The following TEAD4 variants were observed in gnomAD, a reference collection of about 807,000 sequenced individuals.
TEAD4 encodes the protein TEA domain transcription factor 4, also known as transcriptional enhancer factor TEF-3.
A neutral mutation model predicts 52.4 loss-of-function variants in TEAD4; 36 were observed. That is an observed-to-expected ratio of 0.69 (90% confidence interval 0.53 to 0.91). The LOEUF is 0.91. Among genes scored for constraint, TEAD4 ranks in the 40% least tolerant of loss-of-function variants. The pLI, the probability that TEAD4 is intolerant of heterozygous loss-of-function variation, is 0.00. For missense variants in TEAD4, 508 were observed against 583.9 expected, an observed-to-expected ratio of 0.87 and a Z score of 1.34; for synonymous variants, 220 against 231.0, an observed-to-expected ratio of 0.95 and a Z score of 0.43.
chr12:3,040,002 C>T, intron 11 of TEAD4, 105 bp from the exon 12 acceptor site: 1 of 1,497,650 alleles, frequency 6.7e-7, no homozygotes, highest in South Asian at 1.3e-5. Context: ...TGACTCTTTT[C>T]TTAAGGGCCC....
intron 10 of TEAD4, among the ~76,000 whole-genome samples, chr12:3,022,316 GAC>G (rs150680674): frequency 0.028 from 4,206 of 152,320 alleles, 85 homozygotes; most frequent in Middle Eastern, 0.044. Flanking sequence ...TCCAGAAAAA[GAC>G]AAACGGGACC....
intron 2 of TEAD4, among the ~76,000 whole-genome samples, chr12:2,962,133 A>T (rs2153951879): frequency 6.7e-6 from 1 of 149,626 alleles, no homozygotes; most frequent in Middle Eastern, 3.4e-3. Flanking sequence ...ATTTTATTTT[A>T]TTTATTTTTG....
intron 2 of TEAD4, among the ~76,000 whole-genome samples, chr12:2,987,420 GT>G (rs1565530553): frequency 0.01 from 25 of 2,460 alleles, no homozygotes; most frequent in Non-Finnish European, 0.038. Flanking sequence ...TTTTTTGTTT[GT>G]TTTGTTTTGT....
chr12:3,035,169 T>A (rs573847575), intron 10 of TEAD4, among the ~76,000 whole-genome samples: 2 of 152,218 alleles, frequency 1.3e-5, no homozygotes, highest in South Asian at 2.1e-4. Context: ...GAATCCTTGA[T>A]TTCATGGATT....
chr12:3,032,813 G>A (rs1227133682), intron 10 of TEAD4, among the ~76,000 whole-genome samples: 1 of 152,220 alleles, frequency 6.6e-6, no homozygotes, highest in Non-Finnish European at 1.5e-5. Flanking sequence ...TGTGGGGCGG[G>A]CAGAGGCACC....
intron 2 of TEAD4, among the ~76,000 whole-genome samples, chr12:2,965,001 G>A (rs2098219101): frequency 6.6e-6 from 1 of 152,104 alleles, no homozygotes; most frequent in Non-Finnish European, 1.5e-5. Context: ...AGGTGTAGGA[G>A]TGACCCCAGA....
In TEAD4 at chr12:3,021,872, G is replaced by A; in HGVS notation, c.752G>A (p.Gly251Asp). 6.2e-7 allele frequency: 1 copy of A among 1,614,196 alleles called. No homozygotes were observed. Among genetic ancestry groups the A allele is most frequent in the Non-Finnish European group, 8.5e-7 (1 of 1,180,036 alleles). Residue 251 changes from glycine to aspartate, a missense_variant, in exon 10 of 13, where the codon GGC becomes GAC. Transcript: ENST00000359864. Reference sequence around the variant, plus strand: ...AACAAGCACCTGTTCGTGCACATTGGCCAGTCCAGCCCAAGCTACAGCGAC... The same window carrying A: ...AACAAGCACCTGTTCGTGCACATTGACCAGTCCAGCCCAAGCTACAGCGAC...
intron 2 of TEAD4, among the ~76,000 whole-genome samples, chr12:2,993,173 T>TA (rs1392885632): frequency 6.6e-6 from 1 of 152,212 alleles, no homozygotes; most frequent in Admixed American, 6.5e-5. Context: ...TTGGTAGTGT[T>TA]ACGTATATTC....
chr12:2,961,415 G>T (rs897284738), intron 2 of TEAD4, among the ~76,000 whole-genome samples: 1 of 151,872 alleles, frequency 6.6e-6, no homozygotes, highest in Non-Finnish European at 1.5e-5. Flanking sequence ...GGGGTTGGGG[G>T]TTCTCGTCCT....
chr12:3,035,829 AAAAAAAAAAG>A (rs2098279055), intron 10 of TEAD4, among the ~76,000 whole-genome samples: 1 of 150,600 alleles, frequency 6.6e-6, no homozygotes, highest in Middle Eastern at 3.4e-3. Context: ...TTAACAAAAA[AAAAAAAAAAG>A]AAGAAGAAGA....
intron 2 of TEAD4, among the ~76,000 whole-genome samples, chr12:2,961,914 C>T (rs968124011): frequency 1.3e-5 from 2 of 151,990 alleles, no homozygotes; most frequent in Non-Finnish European, 2.9e-5. Context: ...CGCTGTGTTC[C>T]GCGTCCTTAG....
At chr12:3,026,042 C>T (rs1011937933) in intron 10 of TEAD4, among the ~76,000 whole-genome samples, 7 of 152,006 alleles carry the variant, frequency 4.6e-5, no homozygotes, top group African/African-American at 1.7e-4. Context: ...CCGTCTTGAG[C>T]CAGGTACTTG....
intron 2 of TEAD4, among the ~76,000 whole-genome samples, chr12:2,965,106 A>G (rs2098219171): frequency 1.3e-5 from 2 of 152,154 alleles, no homozygotes; most frequent in Non-Finnish European, 2.9e-5. Flanking sequence ...GGGACCCTGG[A>G]AATGGCAGAC....
At chr12:2,992,003 G>A (rs570425385) in intron 2 of TEAD4, among the ~76,000 whole-genome samples, 4 of 147,234 alleles carry the variant, frequency 2.7e-5, no homozygotes, top group Admixed American at 1.4e-4. Context: ...GGGGTTGGGG[G>A]GGGCGGTTCC....
At chr12:2,987,564 A>G (rs2098239579) in intron 2 of TEAD4, among the ~76,000 whole-genome samples, 1 of 151,662 alleles carries the variant, frequency 6.6e-6, no homozygotes, top group Non-Finnish European at 1.5e-5. Flanking sequence ...CCTCCCGAGT[A>G]GCTGGGACTA....
chr12:2,996,735 A>G (rs887523001), intron 3 of TEAD4, among the ~76,000 whole-genome samples: 1 of 151,784 alleles, frequency 6.6e-6, no homozygotes, highest in African/African-American at 2.4e-5. Flanking sequence ...TTTGTTTTTG[A>G]GACAGAGTCT....
chr12:3,016,792 C>T (rs2098264850), intron 5 of TEAD4, among the ~76,000 whole-genome samples: 1 of 152,130 alleles, frequency 6.6e-6, no homozygotes, highest in South Asian at 2.1e-4. Context: ...TCCCTGTGTG[C>T]TTATTTGTTC....
chr12:2,960,876 T>TCA (rs2098214708), intron 2 of TEAD4, among the ~76,000 whole-genome samples: 2 of 152,134 alleles, frequency 1.3e-5, no homozygotes, highest in Non-Finnish European at 2.9e-5. Flanking sequence ...AGTGCAGGGA[T>TCA]AATTTGACTG....
At chr12:3,024,785 ATTC>A (rs1414760097) in intron 10 of TEAD4, among the ~76,000 whole-genome samples, 2 of 152,218 alleles carry the variant, frequency 1.3e-5, no homozygotes, top group East Asian at 3.9e-4. Flanking sequence ...TAATAAGCCT[ATTC>A]TTAAAATTTT....
Sources: gnomAD v4.1 joint callset for allele counts (sites outside exome capture counted in the v4.1 genomes callset) on GRCh38, gnomAD v4.1.1 for gene constraint, MANE v1.5 for transcripts, NCBI Gene and HGNC (gene_info 2026-07-23, HGNC 2026-07-21) for gene names.